CXorf58: variants seen among roughly 807,000 people sequenced by gnomAD.
CXorf58 encodes the protein uncharacterized protein CXorf58.
CXorf58 carries 24 observed loss-of-function variants against 26.0 expected under a neutral mutation model. That is an observed-to-expected ratio of 0.92 (90% CI 0.67 to 1.30). CXorf58 has a LOEUF of 1.30. CXorf58 is among the 50% of genes most tolerant of loss of function. The pLI is 0.00. For missense variants in CXorf58, 236 were observed against 263.9 expected (o/e 0.89, Z 0.73); for synonymous variants, 87 against 86.1 (o/e 1.01, Z -0.06).
intron 6 of CXorf58, among the ~76,000 whole-genome samples, chrX:23,927,654 C>T (rs1260995317): frequency 1.8e-5 from 2 of 110,096 alleles, no homozygotes; most frequent in Admixed American, 9.8e-5. Context: ...TAGGTAAACT[C>T]GTGTCAAGGG....
chrX:23,927,548 C>T (rs776724008), intron 6 of CXorf58, among the ~76,000 whole-genome samples, 178 bp downstream of exon 6: 13 of 110,364 alleles, frequency 1.2e-4, no homozygotes, highest in Admixed American at 6.8e-4. Context: ...AACTTATTTT[C>T]GGATGCCCAA....
At chrX:23,911,723 A>T in intron 2 of CXorf58, 34 bp from the exon 3 acceptor site, 2 of 984,875 alleles carry the variant, frequency 2.0e-6, no homozygotes, top group Non-Finnish European at 2.8e-6. Context: ...AATGAAAACT[A>T]CTTTATAAAT....
chrX:23,917,813 T>G (rs1927770030), intron 5 of CXorf58, among the ~76,000 whole-genome samples: 1 of 112,233 alleles, frequency 8.9e-6, no homozygotes, highest in Non-Finnish European at 1.9e-5. Context: ...CTGCCGCTGC[T>G]GCTGGTCCAT....
At chrX:23,925,112 G>A (rs375893101) in intron 5 of CXorf58, among the ~76,000 whole-genome samples, 1 of 111,473 alleles carries the variant, frequency 9.0e-6, no homozygotes, top group Non-Finnish European at 1.9e-5. Flanking sequence ...AGTTCTATAC[G>A]TTAGGAATAA....
At position 23,910,327 on chromosome X, in the gene CXorf58, C is replaced by T. The variant is rs764370346; in HGVS notation, c.25C>T (p.Arg9Cys). Residue 9 changes from arginine to cysteine, a missense_variant, in exon 2 of 9, where the codon CGT becomes TGT. Transcript: ENST00000379211. The stretch of plus-strand genomic sequence containing the variant: ...AATGAATCGTTCCTCAAATGTACCA[C>T]GTAAAGGTATTCTGAAATCAGGTAC... MNRSSNVP[R>C]KGILKSGTRS... is the part of the protein sequence containing the mutation. 3.4e-6 allele frequency: 4 copies of T among 1,189,780 alleles called. No homozygotes were observed. Among genetic ancestry groups the T allele is most frequent in the Non-Finnish European group, 3.4e-6 (3 of 878,894 alleles).
chrX:23,913,833 G>A (rs1054516306), intron 3 of CXorf58, among the ~76,000 whole-genome samples: 3 of 109,896 alleles, frequency 2.7e-5, no homozygotes, highest in Non-Finnish European at 5.7e-5. Flanking sequence ...AGTGAGCCGA[G>A]TTTGAGCCAC....
intron 5 of CXorf58, among the ~76,000 whole-genome samples, chrX:23,927,018 CA>C (rs982150036): frequency 1.0e-4 from 10 of 99,222 alleles, no homozygotes; most frequent in African/African-American, 1.5e-4. Context: ...GACTCCGTTT[CA>C]AAAAAAAAAA....
At chrX:23,935,461 G>A in intron 7 of CXorf58, 36 bp downstream of exon 7, 2 of 958,479 alleles carry the variant, frequency 2.1e-6, no homozygotes, top group Non-Finnish European at 3.0e-6. Flanking sequence ...ACAATACTAG[G>A]GGCATATCTG....
chrX:23,919,761 C>CT (rs1927816867), intron 5 of CXorf58, among the ~76,000 whole-genome samples: 1 of 112,420 alleles, frequency 8.9e-6, no homozygotes, highest in Non-Finnish European at 1.9e-5. Flanking sequence ...ACAGTCTGCG[C>CT]TTGTTTGTAA....
At chrX:23,921,196 G>A (rs1927858328) in intron 5 of CXorf58, among the ~76,000 whole-genome samples, 1 of 111,153 alleles carries the variant, frequency 9.0e-6, no homozygotes, top group Admixed American at 9.6e-5. Context: ...AACCTTAGAG[G>A]CAGTGATTGG....
intron 6 of CXorf58, among the ~76,000 whole-genome samples, chrX:23,927,761 TG>T (rs1411894715): frequency 9.0e-6 from 1 of 111,451 alleles, no homozygotes; most frequent in African/African-American, 3.3e-5. Context: ...TTCCACCCTC[TG>T]GTAAGTCCCA....
Position 23,916,203 on chromosome X carries a change from T to C in CXorf58, c.312-14T>C. ...ACCTGATGCCAAATAACTAAATTTT[T>C]ATCTTTATTTCAGATTTAGAGGTGA... On this transcript the variant is annotated splice_polypyrimidine_tract_variant and intron_variant, in intron 4 of 8. Coordinates refer to ENST00000379211, the MANE Select transcript of CXorf58 (RefSeq NM_152761.3). 1 of 1,103,313 alleles carries C rather than the reference T, an allele frequency of 9.1e-7. No homozygotes were observed. Among genetic ancestry groups the C allele is most frequent in the East Asian group, 3.0e-5 (1 of 33,003 alleles). The allele number at this position is 1,103,313 out of a possible 1,213,427, so 90.9% of individuals were successfully genotyped here. A position where few individuals can be genotyped will look rare whatever the true frequency, so the allele number is the denominator to read the frequency against.
chrX:23,919,327 C>G (rs748659155), intron 5 of CXorf58, among the ~76,000 whole-genome samples: 1 of 111,783 alleles, frequency 8.9e-6, no homozygotes, highest in East Asian at 2.8e-4. Context: ...TTCACTAATT[C>G]TTCTGCATGA....
chrX:23,909,172 C>T (rs1462048445), intron 1 of CXorf58, among the ~76,000 whole-genome samples: 1 of 112,391 alleles, frequency 8.9e-6, no homozygotes, highest in East Asian at 2.8e-4. Flanking sequence ...TGTAACGTCA[C>T]ACATACATAA....
chrX:23,925,472 C>T (rs1601964607), intron 5 of CXorf58, among the ~76,000 whole-genome samples: 1 of 108,727 alleles, frequency 9.2e-6, no homozygotes, highest in Non-Finnish European at 1.9e-5. Flanking sequence ...CTCAGCCTCC[C>T]GAGTAGCTGG....
chrX:23,929,415 AAAAAAAAGAAAAAG>A lies in CXorf58; in HGVS notation c.555+2053_555+2066del, dbSNP rs1235092715. 1.0e-4 allele frequency among the ~76,000 whole-genome samples: 9 copies of A among 88,627 alleles called. No individual in the cohort carries two copies. The Admixed American group carries it at 1.2e-3, about 12-fold the overall frequency. 77.0% of individuals were successfully genotyped at this position (88,627 alleles called of 115,157 possible). On this transcript the variant is annotated intron_variant, in intron 6 of 8. Transcript: ENST00000379211. ...AGTGAGACTGTGTCTCAAAAAAAAA[AAAAAAAAGAAAAAG>A]AAAAAAAAAGAAAAACCAGCCACAA...
chrX:23,911,616 A>G, intron 2 of CXorf58, 141 bp from the exon 3 acceptor site: 1 of 383,240 alleles, frequency 2.6e-6, no homozygotes, highest in East Asian at 4.6e-5. Flanking sequence ...TCCAATTACC[A>G]CATCCAAATG....
chrX:23,911,091 T>C (rs746642927), intron 2 of CXorf58, among the ~76,000 whole-genome samples: 1 of 110,939 alleles, frequency 9.0e-6, no homozygotes, highest in African/African-American at 3.3e-5. Flanking sequence ...TTATATCTTG[T>C]AGCCTGCATT....
At chrX:23,910,891 G>A (rs1271994131) in intron 2 of CXorf58, among the ~76,000 whole-genome samples, 2 of 104,801 alleles carry the variant, frequency 1.9e-5, no homozygotes, top group Admixed American at 1.1e-4. Context: ...TCAGCCTTCC[G>A]AGTAGCTGGG....
Sources: gnomAD v4.1 joint callset for allele counts (sites outside exome capture counted in the v4.1 genomes callset) on GRCh38, gnomAD v4.1.1 for gene constraint, MANE v1.5 for transcripts, NCBI Gene and HGNC (gene_info 2026-07-23, HGNC 2026-07-21) for gene names.